The following COQ8A variants were observed in gnomAD, a reference collection of about 807,000 sequenced individuals.
The protein encoded by COQ8A is atypical kinase COQ8A, mitochondrial.
Under a neutral mutation model 65.0 loss-of-function variants are expected in COQ8A, and 51 were observed. That is an observed-to-expected ratio of 0.78 (90% CI 0.63 to 0.99). COQ8A has a LOEUF of 0.99. COQ8A is among the 50% of genes least tolerant of loss of function. The probability of loss-of-function intolerance (pLI) is 0.00; values close to 1 mark genes in which losing one functional copy is unlikely to be tolerated. For synonymous variants in COQ8A, 371 were observed against 353.2 expected (o/e 1.05, Z -0.57); for missense variants, 940 against 875.0 (o/e 1.07, Z -0.94).
At chr1:226,951,116 G>C (rs1460946912) in intron 1 of COQ8A, among the ~76,000 whole-genome samples, 1 of 152,188 alleles carries the variant, frequency 6.6e-6, no homozygotes, top group Non-Finnish European at 1.5e-5. Context: ...TGTGGGGCAT[G>C]GGGTGGAGGC....
intron 4 of COQ8A, 96 bp from the exon 5 acceptor site, chr1:226,977,353 G>A (rs1203109801): frequency 2.6e-6 from 3 of 1,170,992 alleles, no homozygotes; most frequent in Non-Finnish European, 1.2e-6. Flanking sequence ...TGGTGCAAGC[G>A]GTGTCTGTGT....
chr1:226,981,679 G>A (rs1198017128), intron 5 of COQ8A, among the ~76,000 whole-genome samples: 1 of 152,210 alleles, frequency 6.6e-6, no homozygotes, highest in African/African-American at 2.4e-5. Context: ...CATCCCTCTT[G>A]GTTCCCACTC....
chr1:226,983,312 CTGGTGGGAGGG>C (rs1269897155), intron 8 of COQ8A: 1 of 660,676 alleles, frequency 1.5e-6, no homozygotes, highest in Non-Finnish European at 2.6e-6. Flanking sequence ...GGGGCCAGAG[CTGGTGGGAGGG>C]TGGCCGTGAG....
In COQ8A at chr1:226,961,554, A is replaced by G. The variant is rs746720374; in HGVS notation, c.169A>G (p.Lys57Glu). ...AVEQIGMFLG[K>E]VQGQDKHEEY... Reference sequence around the variant, plus strand: ...GGAGCAGATTGGCATGTTCTTGGGGAAGGTGCAGGTAAGGGGGCCTGGCAG... The same window carrying G: ...GGAGCAGATTGGCATGTTCTTGGGGGAGGTGCAGGTAAGGGGGCCTGGCAG... Residue 57 changes from lysine to glutamate, a missense_variant, in exon 2 of 15, where the codon AAG (lysine) becomes GAG (glutamate). Transcript: ENST00000366777. The G allele has an allele frequency of 7.4e-6, 12 of 1,611,756 alleles. No homozygotes were observed. The South Asian group carries it at 1.2e-4, about 16-fold the overall frequency.
intron 2 of COQ8A, among the ~76,000 whole-genome samples, chr1:226,964,724 AGTGT>A (rs1658453587): frequency 6.6e-6 from 1 of 152,176 alleles, no homozygotes; most frequent in Non-Finnish European, 1.5e-5. Context: ...CTGCGGGCGT[AGTGT>A]GCACTTGGCC....
chr1:226,943,704 G>T (rs1656829902), intron 1 of COQ8A, among the ~76,000 whole-genome samples: 1 of 152,184 alleles, frequency 6.6e-6, no homozygotes, highest in Non-Finnish European at 1.5e-5. Context: ...CATCCTGTTT[G>T]ATATAATTTG....
Position 226,985,305 on chromosome 1 carries a change from A to T in COQ8A, c.1624A>T (p.Ile542Leu). 6.2e-7 allele frequency: 1 copy of T among 1,613,774 alleles called. No individual in the cohort carries two copies. The highest frequency in any genetic ancestry group is 8.5e-7 in the Non-Finnish European group (1 of 1,179,990). Reference protein sequence around the residue: ...RDRETVRAKSIEMKFLTGYEV... With the variant: ...RDRETVRAKSLEMKFLTGYEV... Reference sequence around the variant, plus strand: ...CAGGGAGACTGTGCGGGCGAAATCCATAGAGATGAAGTTCCTCACCGGCTA... The same window carrying T: ...CAGGGAGACTGTGCGGGCGAAATCCTTAGAGATGAAGTTCCTCACCGGCTA... The change falls in exon 14 of 15, where the codon ATA becomes TTA. Residue 542 changes from isoleucine (I) to leucine (L), a missense_variant. Coordinates refer to ENST00000366777, the MANE Select transcript of COQ8A (RefSeq NM_020247.5).
rs567532397 is a variant in COQ8A, at chr1:226,976,256, G to A, written c.656-1193G>A. On this transcript the variant is annotated intron_variant, in intron 4 of 14. Transcript: ENST00000366777. ...TGGGACTGCGGGGCTGTGGGACTGC[G>A]ATGTTGCCTGGCTGCGGGGCTGCAG... 6.9e-5 allele frequency among the ~76,000 whole-genome samples: 10 copies of A among 144,218 alleles called. No homozygotes were observed. The East Asian group carries it at 2.1e-3, about 30-fold the overall frequency. The allele number at this position is 144,218 out of a possible 152,430, so 94.6% of individuals were successfully genotyped here.
chr1:226,957,082 A>ACT (rs1477273923), intron 1 of COQ8A, among the ~76,000 whole-genome samples: 1 of 112,892 alleles, frequency 8.9e-6, no homozygotes, highest in Non-Finnish European at 1.8e-5. Context: ...CCTGGCTGCC[A>ACT]CTCCCTGGTT....
chr1:226,960,937 T>C (rs1658212377), intron 1 of COQ8A, among the ~76,000 whole-genome samples: 1 of 152,126 alleles, frequency 6.6e-6, no homozygotes, highest in South Asian at 2.1e-4. Context: ...CCCTTGGACC[T>C]TGCAGGGAAG....
At chr1:226,971,232 C>T (rs776583027) in intron 4 of COQ8A, among the ~76,000 whole-genome samples, 6 of 151,990 alleles carry the variant, frequency 3.9e-5, no homozygotes, top group Non-Finnish European at 7.4e-5. Context: ...TGAGCCACCA[C>T]ACCCGACCTA....
At chr1:226,986,380 A>G in intron 14 of COQ8A, 73 bp from the exon 15 acceptor site, 1 of 1,532,816 alleles carries the variant, frequency 6.5e-7, no homozygotes, top group Admixed American at 1.7e-5. Context: ...CGCCCCGGGC[A>G]CTGTGGGAGG....
chr1:226,965,554 G>A, intron 3 of COQ8A, 117 bp from the exon 4 acceptor site: 2 of 1,500,204 alleles, frequency 1.3e-6, no homozygotes, highest in South Asian at 1.2e-5. Flanking sequence ...GGAGTGTGCT[G>A]TCAGGCGGAG....
chr1:226,943,697 C>T (rs771360221), intron 1 of COQ8A, among the ~76,000 whole-genome samples: 17 of 152,206 alleles, frequency 1.1e-4, no homozygotes, highest in Non-Finnish European at 2.4e-4. Context: ...TTCTTTCCAT[C>T]CTGTTTGATA....
At chr1:226,985,860 T>C (rs1660075508) in intron 14 of COQ8A, among the ~76,000 whole-genome samples, 1 of 152,138 alleles carries the variant, frequency 6.6e-6, no homozygotes, top group Non-Finnish European at 1.5e-5. Context: ...TTGAGGCTTG[T>C]CAGTATCTCT....
In COQ8A at chr1:226,984,121, C is replaced by G. The variant is rs772663118; in HGVS notation, c.1284C>G (p.Phe428Leu). ...ACCTGCTGAAGGGCCACCCCTTCTT[C>G]TATGTGCCTGAGATTGTGGATGAGC... ...FRDLLKGHPF[F>L]YVPEIVDELC... The change falls in exon 11 of 15, where the codon TTC (phenylalanine) becomes TTG (leucine). Residue 428 changes from phenylalanine to leucine, a missense_variant. Coordinates refer to ENST00000366777, the MANE Select transcript of COQ8A (RefSeq NM_020247.5). 4 of 1,613,756 alleles carry G rather than the reference C, an allele frequency of 2.5e-6. No homozygotes were observed. Among genetic ancestry groups the G allele is most frequent in the Middle Eastern group, 1.6e-4 (1 of 6,062 alleles).
intron 7 of COQ8A, 50 bp from the exon 8 acceptor site, chr1:226,982,841 CCGG>C: frequency 6.2e-7 from 1 of 1,612,638 alleles, no homozygotes; most frequent in Non-Finnish European, 8.5e-7. Context: ...GGGGCTTCTC[CCGG>C]TGGCCCAGGC....
chr1:226,981,329 C>T (rs1396528655), intron 5 of COQ8A, among the ~76,000 whole-genome samples: 1 of 152,212 alleles, frequency 6.6e-6, no homozygotes, highest in Non-Finnish European at 1.5e-5. Context: ...AGCCGGCCTT[C>T]TGCTGCTCCT....
Position 226,965,224 on chromosome 1 carries a change from C to G in COQ8A, c.402C>G (p.Ala134=). The change falls in exon 3 of 15, where the codon GCC becomes GCG. Residue 134 remains alanine, a synonymous_variant. Coordinates refer to ENST00000366777, the MANE Select transcript of COQ8A (RefSeq NM_020247.5). ...GAGAAGCCGGGTTCCCCGGCCAGGC[C>G]TCCTCCCCTCTGGGCAGGGCCAACG... ...PFREAGFPGQ[A]SSPLGRANGR... is the part of the protein sequence containing the mutation. The G allele has an allele frequency of 6.2e-7, 1 of 1,613,912 alleles. No homozygotes were observed. The highest frequency in any genetic ancestry group is 8.5e-7 in the Non-Finnish European group (1 of 1,180,032).
Sources: allele counts gnomAD v4.1 joint callset (sites outside exome capture counted in the v4.1 genomes callset), GRCh38; gene constraint gnomAD v4.1.1; transcripts MANE v1.5; gene names NCBI Gene and HGNC (gene_info 2026-07-23, HGNC 2026-07-21).